CSF2RA: variants seen among roughly 807,000 people sequenced by gnomAD.
CSF2RA encodes granulocyte-macrophage colony-stimulating factor receptor subunit alpha.
A neutral mutation model predicts 51.6 loss-of-function variants in CSF2RA; 42 were observed. That is an observed-to-expected ratio of 0.81 (90% confidence interval 0.64 to 1.05). The LOEUF (loss-of-function observed/expected upper bound fraction) is 1.05, where lower values mean the gene tolerates loss of function less well. CSF2RA is among the 50% of genes least tolerant of loss of function. The pLI is 0.00. For missense variants in CSF2RA, 530 were observed against 501.1 expected, an observed-to-expected ratio of 1.06 and a Z score of -0.55; for synonymous variants, 222 against 193.0, an observed-to-expected ratio of 1.15 and a Z score of -1.24.
At chrX:1,277,280 G>C (rs2089300385) in intron 2 of CSF2RA, among the ~76,000 whole-genome samples, 1 of 151,898 alleles carries the variant, frequency 6.6e-6, no homozygotes, top group African/African-American at 2.4e-5. Flanking sequence ...CCCCAAGAGG[G>C]GGTTCTTGGA....
chrX:1,291,331 CTCCTTCCCTCCCTTCT>C (rs1315895216), intron 7 of CSF2RA, among the ~76,000 whole-genome samples: 4 of 145,618 alleles, frequency 2.7e-5, no homozygotes, highest in Admixed American at 2.1e-4. Context: ...TCCTTCCTTC[CTCCTTCCCTCCCTTCT>C]TCCTTCCCTC....
downstream of CSF2RA, among the ~76,000 whole-genome samples, chrX:1,314,970 GT>G (rs2084500636): frequency 8.9e-6 from 1 of 112,604 alleles, no homozygotes; most frequent in African/African-American, 3.2e-5. Context: ...CAACCCCACT[GT>G]GCCTGCCCAA....
At chrX:1,282,398 C>T in intron 2 of CSF2RA, 2 of 541,164 alleles carry the variant, frequency 3.7e-6, no homozygotes, top group Non-Finnish European at 6.7e-6. Context: ...GCTATGGGTT[C>T]CCTCATGAAG....
At chrX:1,279,672 G>A (rs2089639380) in intron 2 of CSF2RA, among the ~76,000 whole-genome samples, 3 of 152,172 alleles carry the variant, frequency 2.0e-5, no homozygotes, top group South Asian at 4.2e-4. Flanking sequence ...AGATGAGTTG[G>A]GGGGCAGGGG....
intron 8 of CSF2RA, 131 bp from the exon 9 acceptor site, chrX:1,295,296 G>T (rs2091835570): frequency 8.8e-7 from 1 of 1,138,722 alleles, no homozygotes; most frequent in Non-Finnish European, 1.3e-6. Flanking sequence ...TGTGGAGGGA[G>T]ACCTGCCTGC....
intron 8 of CSF2RA, among the ~76,000 whole-genome samples, 154 bp from the exon 9 acceptor site, chrX:1,295,273 T>C (rs1226532517): frequency 6.6e-6 from 1 of 152,138 alleles, no homozygotes; most frequent in Non-Finnish European, 1.5e-5. Flanking sequence ...ACCTGTCTTG[T>C]AGATTCGGGG....
intron 6 of CSF2RA, 123 bp downstream of exon 6, chrX:1,289,011 C>T: frequency 7.4e-7 from 1 of 1,349,320 alleles, no homozygotes; most frequent in South Asian, 1.2e-5. Context: ...GCCCAGGCTG[C>T]AATGCAATGG....
At chrX:1,286,747 A>G (rs1344518527) in intron 4 of CSF2RA, among the ~76,000 whole-genome samples, 2 of 152,140 alleles carry the variant, frequency 1.3e-5, no homozygotes, top group Non-Finnish European at 2.9e-5. Flanking sequence ...GGCAGAGCCT[A>G]TGTTACCGTA....
chrX:1,315,003 C>CCACTGCACCTGCCCAACCG (rs2084509773), downstream of CSF2RA, among the ~76,000 whole-genome samples: 1 of 69,510 alleles, frequency 1.4e-5, no homozygotes, highest in Non-Finnish European at 3.6e-5. Flanking sequence ...CTGCCCAACC[C>CCACTGCACCTGCCCAACCG]CACTGCACCT....
At chrX:1,295,999 T>C (rs1327394007) in intron 9 of CSF2RA, among the ~76,000 whole-genome samples, 2 of 148,790 alleles carry the variant, frequency 1.3e-5, no homozygotes, top group Non-Finnish European at 3.0e-5. Context: ...GGAGTAATCC[T>C]ACAGTCTCCT....
chrX:1,320,799 CTG>C, the CSF2RA span, among the ~76,000 whole-genome samples: 2 of 151,408 alleles, frequency 1.3e-5, no homozygotes, highest in Admixed American at 6.6e-5. Flanking sequence ...GCATGAGCCA[CTG>C]CACCCAGCCT....
intron 2 of CSF2RA, among the ~76,000 whole-genome samples, chrX:1,281,502 CTCCTCCTTCTCT>C (rs2090068012): frequency 6.7e-6 from 1 of 149,836 alleles, no homozygotes; most frequent in African/African-American, 2.5e-5. Context: ...CTTCCTCCTA[CTCCTCCTTCTCT>C]TCCTTCTCCT....
downstream of CSF2RA, among the ~76,000 whole-genome samples, chrX:1,315,381 T>C (rs1473446643): frequency 6.6e-6 from 1 of 152,038 alleles, no homozygotes; most frequent in Non-Finnish European, 1.5e-5. Context: ...ATTTGATAGA[T>C]AGATGATAGA....
intron 8 of CSF2RA, among the ~76,000 whole-genome samples, chrX:1,295,128 CAAG>C (rs1287499775): frequency 3.2e-4 from 49 of 152,060 alleles, no homozygotes; most frequent in Admixed American, 3.1e-3. Context: ...CCAGTGTAGA[CAAG>C]AAGGAGAGCC....
intron 2 of CSF2RA, among the ~76,000 whole-genome samples, chrX:1,281,389 T>C (rs2090045270): frequency 1.5e-5 from 2 of 135,200 alleles, no homozygotes; most frequent in African/African-American, 2.8e-5. Flanking sequence ...CTCCTCCCTC[T>C]CCTCCTCCTC....
the CSF2RA span, among the ~76,000 whole-genome samples, chrX:1,319,052 G>C: frequency 7.3e-6 from 1 of 136,606 alleles, no homozygotes; most frequent in African/African-American, 2.5e-5. Context: ...CTGGAGTACA[G>C]TGGCATGATC....
intron 10 of CSF2RA, among the ~76,000 whole-genome samples, chrX:1,302,719 A>C (rs2083118623): frequency 6.8e-6 from 1 of 147,638 alleles, no homozygotes; most frequent in Non-Finnish European, 1.5e-5. Context: ...TTTGAGATGG[A>C]GTTTCGCTGT....
chrX:1,286,418 A>C (rs1284490900), intron 4 of CSF2RA, among the ~76,000 whole-genome samples: 2 of 151,734 alleles, frequency 1.3e-5, no homozygotes, highest in Non-Finnish European at 1.5e-5. Flanking sequence ...AAAATACAAA[A>C]ATTAGTCGGG....
intron 12 of CSF2RA, among the ~76,000 whole-genome samples, chrX:1,309,029 G>C (rs1315958723): frequency 6.6e-6 from 1 of 152,086 alleles, no homozygotes; most frequent in Non-Finnish European, 1.5e-5. Flanking sequence ...AGGAGTTTGA[G>C]ACCAGCCTGG....
Sources: gnomAD v4.1 joint callset for allele counts (sites outside exome capture counted in the v4.1 genomes callset) on GRCh38, gnomAD v4.1.1 for gene constraint, MANE v1.5 for transcripts, NCBI Gene and HGNC (gene_info 2026-07-23, HGNC 2026-07-21) for gene names.